LGR4: variants seen among roughly 807,000 people sequenced by gnomAD.
The protein encoded by LGR4 is leucine-rich repeat-containing G protein-coupled receptor 4.
In LGR4, 44 loss-of-function variants were observed where a neutral mutation model predicts 84.8. The ratio of observed to expected loss-of-function variants is 0.52; its 90% confidence interval spans 0.41 to 0.67. The LOEUF is 0.67. LGR4 is among the 30% of genes least tolerant of loss of function. The pLI is 0.00. For synonymous variants in LGR4, 429 were observed against 434.3 expected (o/e 0.99, Z 0.15); for missense variants, 1,032 against 1,131.4 (o/e 0.91, Z 1.26).
rs780854539 is a variant in LGR4 at position 27,373,509 on chromosome 11, T to C, written c.1379+42A>G. On this transcript the variant is annotated intron_variant, in intron 15 of 17. Coordinates refer to ENST00000379214, the MANE Select transcript of LGR4 (RefSeq NM_018490.5). ...CAGGACACTCTGTAATTTTGGAGCC[T>C]ACCATAACTTCAACAAAAAAGAAAA... is the stretch of plus-strand genomic sequence containing the variant. 7 of 1,490,786 alleles carry C rather than the reference T, an allele frequency of 4.7e-6. No individual in the cohort carries two copies. The African/African-American group carries it at 7.0e-5, about 15-fold the overall frequency. 92.3% of individuals were successfully genotyped at this position (1,490,786 alleles called of 1,614,324 possible).
chr11:27,472,066 C>G lies in LGR4; in HGVS notation c.185+52G>C, dbSNP rs1472931896. 3.0e-5 allele frequency: 36 copies of G among 1,207,842 alleles called. 3 individuals carry two copies. The South Asian group carries it at 7.7e-4, about 26-fold the overall frequency. 74.8% of individuals were successfully genotyped at this position (1,207,842 alleles called of 1,614,324 possible). A position where few individuals can be genotyped will look rare whatever the true frequency, so the allele number is the denominator to read the frequency against. The stretch of plus-strand genomic sequence containing the variant: ...CCTGGCTCCGCCCCGCGGCGCCCCC[C>G]GCTGGGCCCCGTTTCCTCCCCCCCC... On this transcript the variant is annotated intron_variant, in intron 1 of 17. Transcript: ENST00000379214.
At chr11:27,371,192 T>C (rs1437622510) in intron 17 of LGR4, among the ~76,000 whole-genome samples, 1 of 152,180 alleles carries the variant, frequency 6.6e-6, no homozygotes, top group Non-Finnish European at 1.5e-5. Context: ...CATGACCAAA[T>C]ATGTGGTATC....
chr11:27,393,899 C>G lies in LGR4; in HGVS notation c.258-1381G>C, dbSNP rs559619141. Among the ~76,000 whole-genome samples the G allele has an allele frequency of 1.6e-3, 193 of 124,332 alleles. 2 individuals carry two copies. Among genetic ancestry groups the G allele is most frequent in the African/African-American group, 5.7e-3 (179 of 31,388 alleles). The allele number at this position is 124,332 out of a possible 152,430, so 81.6% of individuals were successfully genotyped here. A position where few individuals can be genotyped will look rare whatever the true frequency, so the allele number is the denominator to read the frequency against. ...TGCAAATTGCCCTGGGAAGTGTAAT[C>G]CTTACCTAGCATTAACACAGAGGCG... On this transcript the variant is annotated intron_variant, in intron 2 of 17. Coordinates refer to ENST00000379214, the MANE Select transcript of LGR4 (RefSeq NM_018490.5).
At chr11:27,454,773 A>G (rs1407453529) in intron 1 of LGR4, among the ~76,000 whole-genome samples, 2 of 151,990 alleles carry the variant, frequency 1.3e-5, no homozygotes. Context: ...AAAAAAAAAA[A>G]AAAAGCAAAA....
chr11:27,455,480 T>C (rs1338280050), intron 1 of LGR4, among the ~76,000 whole-genome samples: 1 of 152,174 alleles, frequency 6.6e-6, no homozygotes, highest in Non-Finnish European at 1.5e-5. Flanking sequence ...TAATATAATA[T>C]ACACCATTGG....
intron 2 of LGR4, among the ~76,000 whole-genome samples, chr11:27,403,218 C>T (rs565993569): frequency 6.6e-5 from 10 of 152,300 alleles, no homozygotes; most frequent in South Asian, 4.1e-4. Context: ...TGCCTGTAGT[C>T]CCAATACTTT....
Position 27,472,434 on chromosome 11 carries a change from G to T in LGR4, c.-132C>A. The T allele has an allele frequency of 1.6e-6, 1 of 619,166 alleles. No individual in the cohort carries two copies. Among genetic ancestry groups the T allele is most frequent in the Non-Finnish European group, 2.3e-6 (1 of 433,252 alleles). 38.4% of individuals were successfully genotyped at this position (619,166 alleles called of 1,614,324 possible). ...GGTCTCTTCCTCGGCGGTCCGCGCG[G>T]GCTCGGCCCCTTCAGCAGTCCGCCG... On this transcript the variant is annotated 5_prime_UTR_variant, in exon 1 of 18. Coordinates refer to ENST00000379214, the MANE Select transcript of LGR4 (RefSeq NM_018490.5).
At position 27,472,212 on chromosome 11, in the gene LGR4, C is replaced by T; in HGVS notation, c.91G>A (p.Ala31Thr). The T allele has an allele frequency of 1.4e-6, 2 of 1,385,346 alleles. No individual in the cohort carries two copies. The highest frequency in any genetic ancestry group is 1.5e-5 in the South Asian group (1 of 64,850). 85.8% of individuals were successfully genotyped at this position (1,385,346 alleles called of 1,614,324 possible). A position where few individuals can be genotyped will look rare whatever the true frequency, so the allele number is the denominator to read the frequency against. Residue 31 changes from alanine (A) to threonine (T), a missense_variant, in exon 1 of 18, where the codon GCG becomes ACG. Ala to Thr is a moderately conservative substitution (Grantham distance 58). Coordinates refer to ENST00000379214, the MANE Select transcript of LGR4 (RefSeq NM_018490.5). Reference sequence around the variant, plus strand: ...CGGTCGCCGTCGCAGCTGCAGGGCGCCGCGCAGAGAGGCGGCGCCGCGCCG... The same window carrying T: ...CGGTCGCCGTCGCAGCTGCAGGGCGTCGCGCAGAGAGGCGGCGCCGCGCCG... ...PSGAAPPLCA[A>T]PCSCDGDRRV...
rs1192368301 is a variant in LGR4 at position 27,372,274 on chromosome 11, T to C, written c.1495+9A>G. Reference sequence around the variant, plus strand: ...GGAGTGTTCTATTTTTTGAAACTCATGCACTTGCCTTTCTCCTGTGCCACA... The same window carrying C: ...GGAGTGTTCTATTTTTTGAAACTCACGCACTTGCCTTTCTCCTGTGCCACA... On this transcript the variant is annotated intron_variant, in intron 16 of 17. Coordinates refer to ENST00000379214, the MANE Select transcript of LGR4 (RefSeq NM_018490.5). 4.0e-6 allele frequency: 6 copies of C among 1,506,856 alleles called. No individual in the cohort carries two copies. Among genetic ancestry groups the C allele is most frequent in the Non-Finnish European group, 5.5e-6 (6 of 1,082,548 alleles). 93.3% of individuals were successfully genotyped at this position (1,506,856 alleles called of 1,614,324 possible).
At chr11:27,427,837 T>C (rs1864050201) in intron 1 of LGR4, among the ~76,000 whole-genome samples, 1 of 152,252 alleles carries the variant, frequency 6.6e-6, no homozygotes, top group African/African-American at 2.4e-5. Context: ...AAGTTCTCTC[T>C]GACCTCCATT....
intron 1 of LGR4, among the ~76,000 whole-genome samples, chr11:27,445,649 AG>A (rs1442926589): frequency 6.6e-6 from 1 of 152,116 alleles, no homozygotes; most frequent in Non-Finnish European, 1.5e-5. Context: ...GAGGCCGAGT[AG>A]AAGGATGGTA....
intron 1 of LGR4, among the ~76,000 whole-genome samples, chr11:27,449,107 C>T (rs2133441773): frequency 6.6e-6 from 1 of 152,266 alleles, no homozygotes; most frequent in African/African-American, 2.4e-5. Context: ...GCATTATCTT[C>T]ATCCAAGAGA....
At chr11:27,448,328 T>C (rs1864427152) in intron 1 of LGR4, among the ~76,000 whole-genome samples, 1 of 151,928 alleles carries the variant, frequency 6.6e-6, no homozygotes, top group East Asian at 1.9e-4. Context: ...TTTTTGCTCT[T>C]GTTGCCCAGG....
chr11:27,392,522 G>GAT lies in LGR4; in HGVS notation c.258-5_258-4insAT. ...AAGGTCGTTGCCCGCCAATTGTCTA[G>GAT]AGAAAAAAAAAAAAAAAGTAGCAAG... On this transcript the variant is annotated splice_region_variant and splice_polypyrimidine_tract_variant and intron_variant, in intron 2 of 17. Transcript: ENST00000379214. 5 of 1,320,462 alleles carry GAT rather than the reference G, an allele frequency of 3.8e-6. No homozygotes were observed. Among genetic ancestry groups the GAT allele is most frequent in the Non-Finnish European group, 4.9e-6 (5 of 1,013,684 alleles). 81.8% of individuals were successfully genotyped at this position (1,320,462 alleles called of 1,614,324 possible).
chr11:27,463,147 G>A (rs1864715192), intron 1 of LGR4, among the ~76,000 whole-genome samples: 1 of 151,484 alleles, frequency 6.6e-6, no homozygotes, highest in African/African-American at 2.4e-5. Flanking sequence ...AGCTACTTCG[G>A]AGACTGAGGT....
intron 11 of LGR4, 75 bp downstream of exon 11, chr11:27,378,622 C>T (rs1306410188): frequency 5.8e-6 from 6 of 1,041,670 alleles, no homozygotes; most frequent in East Asian, 2.4e-5. Context: ...GAAAGTAGAT[C>T]CTTAAAATAA....
At chr11:27,437,286 T>G (rs1244425751) in intron 1 of LGR4, among the ~76,000 whole-genome samples, 1 of 151,076 alleles carries the variant, frequency 6.6e-6, no homozygotes, top group Non-Finnish European at 1.5e-5. Flanking sequence ...GGAACCCTAC[T>G]GTTTTGGCCA....
At chr11:27,431,482 A>T (rs1276719660) in intron 1 of LGR4, among the ~76,000 whole-genome samples, 1 of 152,190 alleles carries the variant, frequency 6.6e-6, no homozygotes, top group Admixed American at 6.5e-5. Flanking sequence ...TACTATAAAC[A>T]TTCACGGGGA....
intron 1 of LGR4, 80 bp downstream of exon 1, chr11:27,472,038 A>ACC (rs1864884081): frequency 9.6e-7 from 1 of 1,039,884 alleles, no homozygotes; most frequent in Non-Finnish European, 1.2e-6. Flanking sequence ...GGTGGGACTG[A>ACC]CCCCTGGCTC....
Sources: gnomAD v4.1 joint callset for allele counts (sites outside exome capture counted in the v4.1 genomes callset) on GRCh38, gnomAD v4.1.1 for gene constraint, MANE v1.5 for transcripts, NCBI Gene and HGNC (gene_info 2026-07-23, HGNC 2026-07-21) for gene names.